Variants in CCDC170 observed in about 807,000 individuals in gnomAD.
CCDC170 encodes the protein coiled-coil domain-containing protein 170.
CCDC170 carries 69 observed loss-of-function variants against 72.6 expected under a neutral mutation model. That is an observed-to-expected ratio of 0.95 (90% CI 0.78 to 1.16). The LOEUF (loss-of-function observed/expected upper bound fraction) is 1.16, where lower values mean the gene tolerates loss of function less well. Among genes scored for constraint, CCDC170 ranks in the 50% most tolerant of loss-of-function variants. The pLI, the probability that CCDC170 is intolerant of heterozygous loss-of-function variation, is 0.00. For synonymous variants in CCDC170, 300 were observed against 303.9 expected (o/e 0.99, Z 0.13); for missense variants, 852 against 832.5 (o/e 1.02, Z -0.29).
intron 1 of CCDC170, among the ~76,000 whole-genome samples, chr6:151,526,069 G>A (rs1562271344): frequency 1.4e-5 from 2 of 144,140 alleles, no homozygotes; most frequent in Admixed American, 6.7e-5. Context: ...TCTGGTACCA[G>A]TCCTTCCTTC....
intron 10 of CCDC170, among the ~76,000 whole-genome samples, chr6:151,617,682 T>C (rs1776991999): frequency 6.6e-6 from 1 of 152,114 alleles, no homozygotes; most frequent in African/African-American, 2.4e-5. Flanking sequence ...TCATGGTTAC[T>C]TAACTTGGAT....
chr6:151,498,417 A>C (rs2115015601), intron 1 of CCDC170, among the ~76,000 whole-genome samples: 1 of 152,348 alleles, frequency 6.6e-6, no homozygotes, highest in South Asian at 2.1e-4. Context: ...CATATAACAT[A>C]AAATTTGCCA....
At chr6:151,507,587 T>C (rs1391583868) in intron 1 of CCDC170, among the ~76,000 whole-genome samples, 1 of 152,102 alleles carries the variant, frequency 6.6e-6, no homozygotes, top group Non-Finnish European at 1.5e-5. Context: ...GGCAGCCCTG[T>C]AGGGAGATGA....
chr6:151,601,647 T>C (rs112734587), intron 9 of CCDC170, among the ~76,000 whole-genome samples: 8,725 of 152,192 alleles, frequency 0.057, 308 homozygotes, highest in South Asian at 0.096. Context: ...AATTGGCTCA[T>C]GCAATTATGG....
chr6:151,603,244 A>G (rs7762097), intron 9 of CCDC170, among the ~76,000 whole-genome samples: 65,444 of 152,038 alleles, frequency 0.43, 16,634 homozygotes, highest in Non-Finnish European at 0.58. Flanking sequence ...TGAGTTTGGC[A>G]TGTTTAAAGT....
intron 9 of CCDC170, among the ~76,000 whole-genome samples, chr6:151,605,693 AG>A (rs1562297794): frequency 6.6e-6 from 1 of 151,948 alleles, no homozygotes; most frequent in Non-Finnish European, 1.5e-5. Context: ...GGGAAGGTTG[AG>A]GGGAGGGGCA....
intron 5 of CCDC170, among the ~76,000 whole-genome samples, chr6:151,551,371 C>T (rs755964521): frequency 7.2e-5 from 11 of 152,072 alleles, no homozygotes; most frequent in East Asian, 3.8e-4. Flanking sequence ...ACTATAATGC[C>T]GGATACCATC....
intron 9 of CCDC170, among the ~76,000 whole-genome samples, chr6:151,612,655 T>C (rs931943170): frequency 6.6e-6 from 1 of 152,050 alleles, no homozygotes; most frequent in Admixed American, 6.6e-5. Context: ...CCTGGCTTGC[T>C]TCCTTCCTGA....
chr6:151,568,125 A>AAC (rs956582910), intron 5 of CCDC170, among the ~76,000 whole-genome samples: 2 of 151,068 alleles, frequency 1.3e-5, no homozygotes, highest in African/African-American at 4.9e-5. Flanking sequence ...AAAAAAAAAA[A>AAC]AAAAAAGGGA....
chr6:151,593,240 T>C lies in CCDC170; in HGVS notation c.1427T>C (p.Val476Ala). The C allele has an allele frequency of 6.2e-7, 1 of 1,614,188 alleles. No homozygotes were observed. ...EQLVRLESNA[V>A]IENKTIAHNL... Reference sequence around the variant, plus strand: ...CTGGTTCGTCTTGAGAGCAATGCAGTCATTGAGAACAAGACCATTGCCCAC... The same window carrying C: ...CTGGTTCGTCTTGAGAGCAATGCAGCCATTGAGAACAAGACCATTGCCCAC... The change falls in exon 8 of 11, where the codon GTC becomes GCC. Residue 476 changes from valine (V) to alanine (A), a missense_variant. Val to Ala is a moderately conservative substitution (Grantham distance 64). Coordinates refer to ENST00000239374, the MANE Select transcript of CCDC170 (RefSeq NM_025059.4).
In CCDC170 at chr6:151,557,279, C is replaced by T. The variant is rs538896869; in HGVS notation, c.774+8790C>T. ...AAAAAGTTAGCCGGGTGTGGTGGTG[C>T]ACGCCTGTAGTCCCAGCTACTCAGG... is the stretch of plus-strand genomic sequence containing the variant. On this transcript the variant is annotated intron_variant, in intron 5 of 10. Transcript: ENST00000239374. Among the ~76,000 whole-genome samples the T allele has an allele frequency of 2.1e-3, 315 of 152,014 alleles. 3 individuals carry two copies. Among genetic ancestry groups the T allele is most frequent in the Non-Finnish European group, 4.0e-3 (269 of 67,994 alleles).
intron 1 of CCDC170, among the ~76,000 whole-genome samples, chr6:151,515,526 G>A (rs1782222702): frequency 6.6e-6 from 1 of 152,130 alleles, no homozygotes; most frequent in Admixed American, 6.5e-5. Context: ...CAGGTGATCT[G>A]CCTGCCTTGG....
intron 1 of CCDC170, among the ~76,000 whole-genome samples, chr6:151,532,094 A>C (rs1350271801): frequency 1.3e-5 from 2 of 152,214 alleles, no homozygotes; most frequent in Admixed American, 1.3e-4. Flanking sequence ...TGGAAAGAAG[A>C]AGGTGAAATT....
chr6:151,590,025 C>T (rs1431435945), intron 7 of CCDC170, among the ~76,000 whole-genome samples: 4 of 152,122 alleles, frequency 2.6e-5, no homozygotes, highest in Non-Finnish European at 4.4e-5. Context: ...GCTATTTTCA[C>T]CGAGAGAATG....
At chr6:151,579,884 T>G (rs1776357244) in intron 6 of CCDC170, among the ~76,000 whole-genome samples, 1 of 152,154 alleles carries the variant, frequency 6.6e-6, no homozygotes, top group Non-Finnish European at 1.5e-5. Context: ...GCTCATTGAG[T>G]CTTCATAGCA....
Position 151,538,202 on chromosome 6 carries a change from T to C in CCDC170, c.344T>C (p.Leu115Pro), listed in dbSNP as rs771908138. 16 of 1,613,822 alleles carry C rather than the reference T, an allele frequency of 9.9e-6. No individual in the cohort carries two copies. The highest frequency in any genetic ancestry group is 8.0e-5 in the African/African-American group (6 of 74,928). The stretch of plus-strand genomic sequence containing the variant: ...GAACTAGAAGAAGAATCAGCAGCAC[T>C]TTCCACTTCTAAAATCAGAACAGAA... ...VQELEEESAA[L>P]STSKIRTEIT... is the part of the protein sequence containing the mutation. Residue 115 changes from leucine (L) to proline (P), a missense_variant, in exon 3 of 11, where the codon CTT becomes CCT. Coordinates refer to ENST00000239374, the MANE Select transcript of CCDC170 (RefSeq NM_025059.4).
chr6:151,551,787 A>G (rs1029017883), intron 5 of CCDC170, among the ~76,000 whole-genome samples: 6 of 152,106 alleles, frequency 3.9e-5, no homozygotes, highest in African/African-American at 1.4e-4. Flanking sequence ...ACCTTAGGAG[A>G]GCCCCTGAGC....
At chr6:151,559,029 T>TTC (rs1490697237) in intron 5 of CCDC170, among the ~76,000 whole-genome samples, 4 of 149,922 alleles carry the variant, frequency 2.7e-5, no homozygotes, top group Non-Finnish European at 5.9e-5. Context: ...TTTTTTTTTT[T>TTC]CGAGACAGAA....
intron 3 of CCDC170, among the ~76,000 whole-genome samples, chr6:151,543,357 A>G (rs548170053): frequency 6.6e-6 from 1 of 152,286 alleles, no homozygotes; most frequent in South Asian, 2.1e-4. Context: ...TTTATGGGAT[A>G]TGGAGTGATA....
Sources: allele counts gnomAD v4.1 joint callset (sites outside exome capture counted in the v4.1 genomes callset), GRCh38; gene constraint gnomAD v4.1.1; transcripts MANE v1.5; gene names NCBI Gene and HGNC (gene_info 2026-07-23, HGNC 2026-07-21).